MYH10: variants seen among roughly 807,000 people sequenced by gnomAD.
MYH10 encodes myosin heavy chain 10.
A neutral mutation model predicts 257.8 loss-of-function variants in MYH10; 55 were observed. The observed-to-expected ratio is 0.21, with a 90% CI of 0.17 to 0.27. MYH10 has a LOEUF of 0.27. Ranked by LOEUF, MYH10 falls within the 10% of genes least tolerant of loss-of-function variation. The pLI is 1.00. For synonymous variants in MYH10, 854 were observed against 921.7 expected, an observed-to-expected ratio of 0.93 and a Z score of 1.33; for missense variants, 1,631 against 2,500.6, an observed-to-expected ratio of 0.65 and a Z score of 7.42.
At chr17:8,546,145 G>A (rs916764219) in intron 12 of MYH10, among the ~76,000 whole-genome samples, 6 of 151,188 alleles carry the variant, frequency 4.0e-5, no homozygotes, top group Admixed American at 2.0e-4. Flanking sequence ...TACAACCTCC[G>A]CCTCCTGGGT....
At chr17:8,592,944 T>C (rs757768418) in intron 3 of MYH10, among the ~76,000 whole-genome samples, 1,111 of 99,884 alleles carry the variant, frequency 0.011, 124 homozygotes, top group African/African-American at 0.031. Flanking sequence ...TATATATATA[T>C]ATATATATAT....
Position 8,569,613 on chromosome 17 carries a change from AT to A in MYH10, c.756+106del. 1 of 768,148 alleles carries A rather than the reference AT, an allele frequency of 1.3e-6. No homozygotes were observed. The highest frequency in any genetic ancestry group is 2.0e-6 in the Non-Finnish European group (1 of 495,604). 47.6% of individuals were successfully genotyped at this position (768,148 alleles called of 1,614,324 possible). ...GTATTATGTCTACAGAACTACATCT[AT>A]TAGCTTCTTAAAATCTAGGAAGAAA... On this transcript the variant is annotated intron_variant, in intron 7 of 42. Transcript: ENST00000360416. The surrounding 1 kb of genome is among the most constrained non-coding windows in gnomAD (Gnocchi z 4.1).
At chr17:8,568,373 T>C (rs2083230073) in intron 7 of MYH10, among the ~76,000 whole-genome samples, 1 of 152,198 alleles carries the variant, frequency 6.6e-6, no homozygotes, top group Non-Finnish European at 1.5e-5. Flanking sequence ...GTTGCCCTTG[T>C]GTTTGCTGGG....
At chr17:8,534,655 G>A (rs1440518147) in intron 16 of MYH10, among the ~76,000 whole-genome samples, 2 of 152,218 alleles carry the variant, frequency 1.3e-5, no homozygotes, top group African/African-American at 4.8e-5. Context: ...GAACAGGTCT[G>A]GCCTCAGGGT....
chr17:8,480,708 T>TC, intron 38 of MYH10, 183 bp from the exon 39 acceptor site: 1 of 733,606 alleles, frequency 1.4e-6, no homozygotes, highest in Non-Finnish European at 2.3e-6. Context: ...CCAAACACCC[T>TC]CCCCCGCTGC....
Position 8,521,134 on chromosome 17 carries a change from G to A in MYH10, c.2109C>T (p.Asn703=), listed in dbSNP as rs765235946. 9 of 1,614,118 alleles carry A rather than the reference G, an allele frequency of 5.6e-6. No homozygotes were observed. Among genetic ancestry groups the A allele is most frequent in the Non-Finnish European group, 7.6e-6 (9 of 1,180,042 alleles). The change falls in exon 18 of 43, where the codon AAC becomes AAT. Residue 703 remains asparagine (N), a synonymous_variant. Coordinates refer to ENST00000360416, the MANE Select transcript of MYH10 (RefSeq NM_001256012.3). The part of the protein sequence containing the change: ...TKLMATLRNT[N]PNFVRCIIPN... ...GAATGATACAACGAACAAAGTTAGG[G>A]TTGGTGTTTCGGAGAGTTGCCATCA...
chr17:8,600,381 A>G (rs1317047813), intron 3 of MYH10, among the ~76,000 whole-genome samples: 1 of 152,110 alleles, frequency 6.6e-6, no homozygotes, highest in Non-Finnish European at 1.5e-5. Flanking sequence ...CATTTAGGAG[A>G]TTGGACTCTC....
intron 2 of MYH10, among the ~76,000 whole-genome samples, chr17:8,605,288 T>C (rs1311041715): frequency 1.3e-5 from 2 of 152,180 alleles, no homozygotes; most frequent in African/African-American, 2.4e-5. Flanking sequence ...CAATATGTTA[T>C]TTACTTTTTT....
chr17:8,548,697 T>C lies in MYH10; in HGVS notation c.1010A>G (p.Gln337Arg). The C allele has an allele frequency of 1.9e-6, 3 of 1,614,144 alleles. No homozygotes were observed. Among genetic ancestry groups the C allele is most frequent in the Non-Finnish European group, 2.5e-6 (3 of 1,179,988 alleles). ...IPGQQDKDNF[Q>R]ETMEAMHIMG... ...TATGTGCATTGCTTCCATGGTCTCC[T>C]GGAAATTATCTTTGTCTTGCTGTCC... is the stretch of plus-strand genomic sequence containing the variant. Residue 337 changes from glutamine (Q) to arginine (R), a missense_variant, in exon 10 of 43, where the codon CAG becomes CGG. By Grantham distance (43) the Gln-to-Arg change is conservative. Transcript: ENST00000360416.
At chr17:8,492,583 G>A in intron 33 of MYH10, 74 bp from the exon 34 acceptor site, 9 of 1,427,758 alleles carry the variant, frequency 6.3e-6, no homozygotes, top group Non-Finnish European at 8.5e-6. Flanking sequence ...CCATGTGGCT[G>A]ATTTATCGCT....
chr17:8,537,246 C>T (rs1752181275), intron 14 of MYH10, among the ~76,000 whole-genome samples: 1 of 152,202 alleles, frequency 6.6e-6, no homozygotes, highest in African/African-American at 2.4e-5. Flanking sequence ...CTCATGAAAT[C>T]AGCTGTTTGA....
chr17:8,568,895 A>G (rs1410808160), intron 7 of MYH10, among the ~76,000 whole-genome samples: 2 of 151,624 alleles, frequency 1.3e-5, no homozygotes, highest in African/African-American at 4.8e-5. Flanking sequence ...GAGGAAAGTA[A>G]AGCTTTCAAG....
At chr17:8,491,891 G>A (rs896066733) in intron 34 of MYH10, among the ~76,000 whole-genome samples, 4 of 152,198 alleles carry the variant, frequency 2.6e-5, no homozygotes, top group Non-Finnish European at 4.4e-5. Context: ...GCCTCCCTGG[G>A]AAGAACCAGG....
chr17:8,530,664 G>A lies in MYH10; in HGVS notation c.1916C>T (p.Ala639Val). ...WKDEIQNIQRASFYDSVSGLH... is the reference protein window; with the variant it reads ...WKDEIQNIQRVSFYDSVSGLH... ...ACCAGAAACACTGTCATAGAAAGAA[G>A]CTCTCTGAATATTCTGAATCTCTAA... The change falls in exon 17 of 43, where the codon GCT becomes GTT. Residue 639 changes from alanine to valine, a missense_variant. This residue lies in a region of MYH10 where 96 missense variants were observed against 146.2 expected (regional missense o/e 0.66). Transcript: ENST00000360416. 2 of 1,549,792 alleles carry A rather than the reference G, an allele frequency of 1.3e-6. No homozygotes were observed. Among genetic ancestry groups the A allele is most frequent in the Non-Finnish European group, 1.7e-6 (2 of 1,146,670 alleles).
chr17:8,572,119 C>T (rs2083364415), intron 6 of MYH10, among the ~76,000 whole-genome samples: 1 of 152,110 alleles, frequency 6.6e-6, no homozygotes, highest in Non-Finnish European at 1.5e-5. Flanking sequence ...AAAGAGTTTT[C>T]CTAACTTGGA....
In MYH10 at chr17:8,630,635, G is replaced by C. The variant is rs553860655; in HGVS notation, c.-32+19C>G. On this transcript the variant is annotated intron_variant, in intron 1 of 42. Coordinates refer to ENST00000360416, the MANE Select transcript of MYH10 (RefSeq NM_001256012.3). ...AGCCCTGGGCCGTGCACTCGGACCC[G>C]GGTAGCCGCACCTCTCACCTTCAGC... 1 of 152,670 alleles carries C rather than the reference G, an allele frequency of 6.6e-6. No homozygotes were observed. The highest frequency in any genetic ancestry group is 2.4e-5 in the African/African-American group (1 of 41,408). The allele number at this position is 152,670 out of a possible 1,614,324, so 9.5% of individuals were successfully genotyped here. A position where few individuals can be genotyped will look rare whatever the true frequency, so the allele number is the denominator to read the frequency against.
In MYH10 at chr17:8,477,958, A is replaced by G. The variant is rs1328287747; in HGVS notation, c.5706+380T>C. 6.6e-6 allele frequency among the ~76,000 whole-genome samples: 1 copy of G among 152,210 alleles called. No homozygotes were observed. Among genetic ancestry groups the G allele is most frequent in the Non-Finnish European group, 1.5e-5 (1 of 68,028 alleles). ...TTTGTCTTCCCTTCACTTTCTATTC[A>G]GTATCTCCTGTGCCCACCCTACACC... On this transcript the variant is annotated intron_variant, in intron 41 of 42. Coordinates refer to ENST00000360416, the MANE Select transcript of MYH10 (RefSeq NM_001256012.3). This position sits in a 1 kb window ranked among gnomAD's most constrained non-coding sequence, Gnocchi z 4.2.
chr17:8,531,238 T>C (rs1395065757), intron 16 of MYH10, among the ~76,000 whole-genome samples: 1 of 152,200 alleles, frequency 6.6e-6, no homozygotes, highest in Admixed American at 6.5e-5. Context: ...AGTTCTGTTG[T>C]AGCAAAATGT....
chr17:8,565,677 T>TGG (rs1292726994), intron 7 of MYH10, among the ~76,000 whole-genome samples: 140 of 152,368 alleles, frequency 9.2e-4, no homozygotes, highest in African/African-American at 3.3e-3. Context: ...ACTTATTATA[T>TGG]AGTAGTGCAG....
Sources: allele counts gnomAD v4.1 joint callset (sites outside exome capture counted in the v4.1 genomes callset), GRCh38; gene constraint gnomAD v4.1.1; regional missense constraint gnomAD v4.1.1; non-coding constraint Gnocchi (gnomAD v3.1); transcripts MANE v1.5; gene names NCBI Gene and HGNC (gene_info 2026-07-23, HGNC 2026-07-21).